TMC4: variants seen among roughly 807,000 people sequenced by gnomAD.
TMC4 encodes transmembrane channel like 4.
TMC4 carries 70 observed loss-of-function variants against 82.0 expected under a neutral mutation model. The observed-to-expected ratio is 0.85, with a 90% CI of 0.70 to 1.04. The LOEUF (loss-of-function observed/expected upper bound fraction) is 1.04, where lower values mean the gene tolerates loss of function less well. Ranked by LOEUF, TMC4 falls within the 50% of genes least tolerant of loss-of-function variation. The pLI, the probability that TMC4 is intolerant of heterozygous loss-of-function variation, is 0.00. For synonymous variants in TMC4, 446 were observed against 406.0 expected (o/e 1.10, Z -1.18); for missense variants, 879 against 899.0 (o/e 0.98, Z 0.28).
chr19:54,166,680 G>T (rs190780391), intron 5 of TMC4, among the ~76,000 whole-genome samples: 13 of 152,174 alleles, frequency 8.5e-5, no homozygotes, highest in African/African-American at 3.1e-4. Flanking sequence ...TTTGCCGGGC[G>T]TGGTGGCTCA....
At chr19:54,162,931 C>T (rs184278363) in intron 9 of TMC4, 102 bp downstream of exon 9, 1 of 1,585,828 alleles carries the variant, frequency 6.3e-7, no homozygotes, top group Non-Finnish European at 8.6e-7. Context: ...TGTTCCAGCA[C>T]CCCAAGCTCC....
chr19:54,163,681 C>A, intron 8 of TMC4, 43 bp downstream of exon 8: 1 of 1,610,376 alleles, frequency 6.2e-7, no homozygotes, highest in Non-Finnish European at 8.5e-7. Context: ...CTCTGACCGC[C>A]CCCACCCTTC....
At chr19:54,172,133 C>A (rs775357187) in intron 1 of TMC4, 50 bp from the exon 2 acceptor site, 1 of 1,457,006 alleles carries the variant, frequency 6.9e-7, no homozygotes, top group East Asian at 2.7e-5. Flanking sequence ...GGCCCTAATT[C>A]CTCCTCCCTC....
chr19:54,171,050 C>T (rs2075869496), intron 2 of TMC4, among the ~76,000 whole-genome samples: 1 of 120,562 alleles, frequency 8.3e-6, no homozygotes, highest in Admixed American at 8.7e-5. Flanking sequence ...TTGTTTTTTC[C>T]ATATATATAC....
Position 54,162,193 on chromosome 19 carries a change from G to C in TMC4, c.1595C>G (p.Ala532Gly). ...VPDEVLGLIY[A>G]QTVVWVGSFF... ...ACTCCCCACCCAGACCACCGTCTGC[G>C]CGTAGATGAGCCCCAGCACCTCGTC... Residue 532 changes from alanine (A) to glycine (G), a missense_variant, in exon 11 of 15, where the codon GCG (alanine) becomes GGG (glycine). Transcript: ENST00000619895. The C allele has an allele frequency of 6.2e-7, 1 of 1,613,584 alleles. No homozygotes were observed. The highest frequency in any genetic ancestry group is 8.5e-7 in the Non-Finnish European group (1 of 1,179,820).
Position 54,170,744 on chromosome 19 carries a change from C to T in TMC4, c.294-1084G>A, listed in dbSNP as rs990635177. On this transcript the variant is annotated intron_variant, in intron 2 of 14. Transcript: ENST00000619895. ...AACTTCCAGGCTCAAGCAATTCTCC[C>T]GCCTCAGCCTCCCAAAGCGCTGGGG... Among the ~76,000 whole-genome samples, 5 of 152,108 alleles carry T rather than the reference C, an allele frequency of 3.3e-5. No homozygotes were observed. The East Asian group carries it at 5.8e-4, about 18-fold the overall frequency.
chr19:54,163,060 G>T lies in TMC4; in HGVS notation c.1377C>A (p.Thr459=). The T allele has an allele frequency of 6.2e-7, 1 of 1,614,164 alleles. No individual in the cohort carries two copies. The highest frequency in any genetic ancestry group is 1.1e-5 in the South Asian group (1 of 91,080). Reference sequence around the variant, plus strand: ...GAAGTTGTTTGTAATTGTAGCCACAGGTTTTGCAGTCCTCAGCCTCGGAGT... The same window carrying T: ...GAAGTTGTTTGTAATTGTAGCCACATGTTTTGCAGTCCTCAGCCTCGGAGT... ...GGDSEAEDCK[T]CGYNYKQLPC... is the part of the protein sequence containing the mutation. The change falls in exon 9 of 15, where the codon ACC becomes ACA. Residue 459 remains threonine (T), a synonymous_variant. Coordinates refer to ENST00000619895, the MANE Select transcript of TMC4 (RefSeq NM_144686.4).
intron 8 of TMC4, 102 bp downstream of exon 8, chr19:54,163,621 GA>G (rs763321861): frequency 2.9e-6 from 4 of 1,380,124 alleles, no homozygotes; most frequent in African/African-American, 1.4e-5. Context: ...TGAATCCCTG[GA>G]TTCGGTATCA....
At chr19:54,172,914 G>T (rs1600605638) in intron 1 of TMC4, 125 bp downstream of exon 1, 4 of 803,186 alleles carry the variant, frequency 5.0e-6, no homozygotes, top group Non-Finnish European at 8.0e-6. Flanking sequence ...CATAATATCA[G>T]GAAGTGGAAC....
At chr19:54,162,828 C>A (rs1459151033) in intron 9 of TMC4, 58 bp from the exon 10 acceptor site, 2 of 1,536,434 alleles carry the variant, frequency 1.3e-6, no homozygotes, top group East Asian at 4.5e-5. Context: ...TGGAGGCCCA[C>A]GCGTCCGAGT....
intron 10 of TMC4, 95 bp from the exon 11 acceptor site, chr19:54,162,380 T>C: frequency 2.0e-6 from 1 of 492,824 alleles, no homozygotes; most frequent in Non-Finnish European, 3.1e-6. Context: ...GAAGCATGCG[T>C]ATTGGTGGTG....
rs764731755 is a variant in TMC4, at chr19:54,168,639, G to A, written c.484C>T (p.Arg162Cys). Residue 162 changes from arginine (R) to cysteine (C), a missense_variant, in exon 4 of 15, where the codon CGC becomes TGC. Physicochemically the swap from Arg to Cys is radical, Grantham distance 180. Coordinates refer to ENST00000619895, the MANE Select transcript of TMC4 (RefSeq NM_144686.4). Reference protein sequence around the residue: ...AGTESYFSLLRFLLLLNVLAS... With the variant: ...AGTESYFSLLCFLLLLNVLAS... Reference sequence around the variant, plus strand: ...AGCACGTTAAGAAGGAGCAGGAAGCGCAGCAGGGAGAAGTAGGACTCCGTG... The same window carrying A: ...AGCACGTTAAGAAGGAGCAGGAAGCACAGCAGGGAGAAGTAGGACTCCGTG... 1.7e-5 allele frequency: 27 copies of A among 1,585,608 alleles called. No individual in the cohort carries two copies. The highest frequency in any genetic ancestry group is 2.3e-5 in the South Asian group (2 of 86,892).
chr19:54,163,158 T>C lies in TMC4; in HGVS notation c.1279A>G (p.Thr427Ala). ...SRQIVFILLR[T>A]VFLRLASLVV... The stretch of plus-strand genomic sequence containing the variant: ...AGGGAGGCGAGGCGAAGAAACACGG[T>C]CCTGAAGGGGGGAAGGCAGAGAATG... Residue 427 changes from threonine (T) to alanine (A), a missense_variant and splice_region_variant, in exon 9 of 15, where the codon ACC (threonine) becomes GCC (alanine). Physicochemically the swap from Thr to Ala is moderately conservative, Grantham distance 58. Coordinates refer to ENST00000619895, the MANE Select transcript of TMC4 (RefSeq NM_144686.4). The C allele has an allele frequency of 6.2e-7, 1 of 1,613,572 alleles. No individual in the cohort carries two copies. The highest frequency in any genetic ancestry group is 8.5e-7 in the Non-Finnish European group (1 of 1,179,922).
rs1438336073 is a variant in TMC4 at position 54,169,591 on chromosome 19, T to C, written c.363A>G (p.Leu121=). ...SGTKTDRWAR[L]LRRSKEKTKE... ...TTGTTTTCTCCTTGGACCTCCGAAG[T>C]AGCCGCGCCCATCGGTCCGTCTTAG... Residue 121 remains leucine (L), a synonymous_variant, in exon 3 of 15, where the codon CTA becomes CTG. Coordinates refer to ENST00000619895, the MANE Select transcript of TMC4 (RefSeq NM_144686.4). 1.9e-6 allele frequency: 3 copies of C among 1,613,916 alleles called. No individual in the cohort carries two copies. The highest frequency in any genetic ancestry group is 2.5e-6 in the Non-Finnish European group (3 of 1,180,028).
Position 54,162,697 on chromosome 19 carries a change from G to C in TMC4, c.1478C>G (p.Ala493Gly), listed in dbSNP as rs1252053673. ...CTTTCTAGGAAACTGGATGAGCAGC[G>C]CGACTGCCAAGACAGTCAGCAGATC... Reference protein sequence around the residue: ...LFDLLTVLAVALLIQFPRKLL... With the variant: ...LFDLLTVLAVGLLIQFPRKLL... The change falls in exon 10 of 15, where the codon GCG (alanine) becomes GGG (glycine). Residue 493 changes from alanine (A) to glycine (G), a missense_variant. Transcript: ENST00000619895. 5 of 1,613,934 alleles carry C rather than the reference G, an allele frequency of 3.1e-6. No homozygotes were observed. In the East Asian group the frequency reaches 1.1e-4, roughly 36 times the overall value.
chr19:54,162,358 G>A, intron 10 of TMC4, 73 bp from the exon 11 acceptor site: 1 of 775,154 alleles, frequency 1.3e-6, no homozygotes, highest in Non-Finnish European at 1.8e-6. Flanking sequence ...CCACCGCCCC[G>A]CCCGCCAATA....
chr19:54,169,790 A>G, intron 2 of TMC4, 130 bp from the exon 3 acceptor site: 1 of 1,328,100 alleles, frequency 7.5e-7, no homozygotes, highest in Middle Eastern at 2.1e-4. Flanking sequence ...AATACTCTGT[A>G]GCAATAAAAA....
rs752951815 is a variant in TMC4 at position 54,160,519 on chromosome 19, A to G, written c.2000T>C (p.Leu667Pro). 8.7e-6 allele frequency: 14 copies of G among 1,614,118 alleles called. No homozygotes were observed. Among genetic ancestry groups the G allele is most frequent in the Admixed American group, 1.7e-5 (1 of 60,028 alleles). ...GATGAGGCGTCCGTAGGAGTTAGCC[A>G]GAGCCACAGTGTACGCCATCAGGAT... ...SSILMAYTVA[L>P]ANSYGRLISE... is the part of the protein sequence containing the mutation. Residue 667 changes from leucine (L) to proline (P), a missense_variant, in exon 14 of 15, where the codon CTG becomes CCG. Coordinates refer to ENST00000619895, the MANE Select transcript of TMC4 (RefSeq NM_144686.4).
rs1025286679 is a variant in TMC4, at chr19:54,162,486, G to T, written c.1502+187C>A. On this transcript the variant is annotated intron_variant, in intron 10 of 14. Coordinates refer to ENST00000619895, the MANE Select transcript of TMC4 (RefSeq NM_144686.4). ...TAGAAGGGACCCAGATGTCGCCGCC[G>T]TCGGGGCCAGAGGGAAGTAACCCAC... Among the ~76,000 whole-genome samples the T allele has an allele frequency of 2.0e-5, 3 of 151,634 alleles. No individual in the cohort carries two copies. In the South Asian group the frequency reaches 6.3e-4, roughly 32 times the overall value.
Sources: allele counts gnomAD v4.1 joint callset (sites outside exome capture counted in the v4.1 genomes callset), GRCh38; gene constraint gnomAD v4.1.1; transcripts MANE v1.5; gene names NCBI Gene and HGNC (gene_info 2026-07-23, HGNC 2026-07-21).